Variants in NAALADL2 observed in about 807,000 individuals in gnomAD.
NAALADL2 encodes N-acetylated alpha-linked acidic dipeptidase like 2.
Under a neutral mutation model 87.2 loss-of-function variants are expected in NAALADL2, and 76 were observed. The observed-to-expected ratio is 0.87, with a 90% CI of 0.72 to 1.05. The LOEUF is 1.05. NAALADL2 is among the 50% of genes least tolerant of loss of function. The pLI is 0.00. For synonymous variants in NAALADL2, 354 were observed against 331.0 expected, an observed-to-expected ratio of 1.07 and a Z score of -0.75; for missense variants, 1,089 against 945.8, an observed-to-expected ratio of 1.15 and a Z score of -1.99.
chr3:175,720,387 T>A (rs904944045), intron 11 of NAALADL2, among the ~76,000 whole-genome samples: 1 of 152,060 alleles, frequency 6.6e-6, no homozygotes, highest in African/African-American at 2.4e-5. Context: ...AAGGAATGTA[T>A]ATAAATGTTG....
At chr3:175,654,154 C>A (rs1731145413) in intron 11 of NAALADL2, among the ~76,000 whole-genome samples, 1 of 152,150 alleles carries the variant, frequency 6.6e-6, no homozygotes, top group Non-Finnish European at 1.5e-5. Context: ...ACTGCATTTG[C>A]ATAAAACAGT....
At chr3:175,641,345 C>T (rs1729263999) in intron 11 of NAALADL2, among the ~76,000 whole-genome samples, 1 of 152,030 alleles carries the variant, frequency 6.6e-6, no homozygotes, top group Admixed American at 6.6e-5. Flanking sequence ...TTCCTTTCTC[C>T]CTCTTCCCTC....
chr3:175,013,170 A>T lies in NAALADL2; in HGVS notation c.44-83620A>T, dbSNP rs867897632. On this transcript the variant is annotated intron_variant, in intron 1 of 13. Coordinates refer to ENST00000454872, the MANE Select transcript of NAALADL2 (RefSeq NM_207015.3). ...ATACATATTTATATATAAATATGTAATACATATTTATATATAAATATATAT... is the reference window on the plus strand; with the variant it reads ...ATACATATTTATATATAAATATGTATTACATATTTATATATAAATATATAT... 4.0e-3 allele frequency among the ~76,000 whole-genome samples: 370 copies of T among 92,818 alleles called. 4 individuals are homozygous for T. Among genetic ancestry groups the T allele is most frequent in the Non-Finnish European group, 5.1e-3 (244 of 47,498 alleles). 60.9% of individuals were successfully genotyped at this position (92,818 alleles called of 152,430 possible).
At chr3:174,803,790 T>C (rs908501049) in intron 3 of NAALADL2, among the ~76,000 whole-genome samples, 1 of 152,078 alleles carries the variant, frequency 6.6e-6, no homozygotes, top group African/African-American at 2.4e-5. Context: ...AGATGTGTGG[T>C]GTTATTTCTG....
intron 9 of NAALADL2, among the ~76,000 whole-genome samples, chr3:175,496,160 T>A (rs2216508): frequency 0.37 from 55,998 of 151,954 alleles, 12,489 homozygotes; most frequent in African/African-American, 0.63. Flanking sequence ...ATACAATGTA[T>A]TTAGATCACA....
At position 175,754,909 on chromosome 3, in the gene NAALADL2, C is replaced by T. The variant is rs150105792; in HGVS notation, c.1991-311C>T. ...TATTTACTGTTGTTATTATTATGAGCAGTGATAAACTTAATTTAGTAAAAT... is the reference window on the plus strand; with the variant it reads ...TATTTACTGTTGTTATTATTATGAGTAGTGATAAACTTAATTTAGTAAAAT... On this transcript the variant is annotated intron_variant, in intron 12 of 13. Coordinates refer to ENST00000454872, the MANE Select transcript of NAALADL2 (RefSeq NM_207015.3). Among the ~76,000 whole-genome samples the T allele has an allele frequency of 1.1e-4, 16 of 152,238 alleles. No individual in the cohort carries two copies. The East Asian group carries it at 2.9e-3, about 28-fold the overall frequency.
At chr3:174,688,511 A>G (rs1728256460) in intron 2 of NAALADL2, among the ~76,000 whole-genome samples, 1 of 152,104 alleles carries the variant, frequency 6.6e-6, no homozygotes, top group Non-Finnish European at 1.5e-5. Context: ...GAGTTAATAT[A>G]CACTAAGTTC....
chr3:174,778,573 G>T (rs1420325429), intron 3 of NAALADL2, among the ~76,000 whole-genome samples: 1 of 151,906 alleles, frequency 6.6e-6, no homozygotes, highest in African/African-American at 2.4e-5. Context: ...ATGGTGGTTT[G>T]CTGCATAAAC....
intron 2 of NAALADL2, among the ~76,000 whole-genome samples, chr3:174,705,095 C>T (rs181228754): frequency 6.6e-6 from 1 of 152,258 alleles, no homozygotes; most frequent in Admixed American, 6.5e-5. Flanking sequence ...ATTCCAGCAG[C>T]TCAGGGTCCT....
At chr3:175,132,022 C>A (rs1367118669) in intron 2 of NAALADL2, among the ~76,000 whole-genome samples, 1 of 127,094 alleles carries the variant, frequency 7.9e-6, no homozygotes, top group South Asian at 2.6e-4. Flanking sequence ...CCCTCCCGGA[C>A]GGGGCGGCTG....
At chr3:175,378,131 A>T (rs1201063182) in intron 5 of NAALADL2, among the ~76,000 whole-genome samples, 6 of 152,058 alleles carry the variant, frequency 3.9e-5, no homozygotes, top group African/African-American at 1.4e-4. Context: ...GGTCACAGGC[A>T]CCCCCAAGTC....
At chr3:174,508,404 C>G (rs1357392807) in intron 1 of NAALADL2, among the ~76,000 whole-genome samples, 1 of 152,122 alleles carries the variant, frequency 6.6e-6, no homozygotes, top group East Asian at 1.9e-4. Context: ...TGTGCCACCG[C>G]ACCCGGTCCC....
chr3:175,334,283 T>C (rs1444493125), intron 5 of NAALADL2, among the ~76,000 whole-genome samples: 1 of 152,020 alleles, frequency 6.6e-6, no homozygotes, highest in African/African-American at 2.4e-5. Flanking sequence ...GACAGACAGA[T>C]AGTAGAGGTA....
rs114582237 is a variant in NAALADL2, at chr3:175,329,880, C to A, written c.1090+5555C>A. On this transcript the variant is annotated intron_variant, in intron 5 of 13. Coordinates refer to ENST00000454872, the MANE Select transcript of NAALADL2 (RefSeq NM_207015.3). ...ATTTTGTTTTGAAAAATAATTTTGG[C>A]GACGTAAGTTCTCTTGGCCCCACAG... 2.7e-3 allele frequency among the ~76,000 whole-genome samples: 410 copies of A among 152,112 alleles called. 1 individual carries two copies. Among genetic ancestry groups the A allele is most frequent in the African/African-American group, 9.2e-3 (381 of 41,494 alleles).
At chr3:175,776,966 T>C (rs186625259) in intron 13 of NAALADL2, among the ~76,000 whole-genome samples, 1 of 152,100 alleles carries the variant, frequency 6.6e-6, no homozygotes, top group East Asian at 1.9e-4. Flanking sequence ...TTAATATCTA[T>C]AATAAACTGA....
intron 9 of NAALADL2, among the ~76,000 whole-genome samples, chr3:175,529,447 G>A (rs1258776497): frequency 6.6e-6 from 1 of 152,164 alleles, no homozygotes; most frequent in Non-Finnish European, 1.5e-5. Flanking sequence ...GGTGAGTGGT[G>A]CCACTCCCAC....
At chr3:175,403,571 G>T (rs1341334507) in intron 5 of NAALADL2, among the ~76,000 whole-genome samples, 1 of 151,882 alleles carries the variant, frequency 6.6e-6, no homozygotes, top group Non-Finnish European at 1.5e-5. Flanking sequence ...TAGTCAATAG[G>T]CATTGTCTAA....
At chr3:175,014,682 T>C (rs1455755541) in intron 1 of NAALADL2, among the ~76,000 whole-genome samples, 1 of 152,176 alleles carries the variant, frequency 6.6e-6, no homozygotes, top group Non-Finnish European at 1.5e-5. Context: ...ATTCCATTTA[T>C]TGCAAATGTT....
intron 1 of NAALADL2, among the ~76,000 whole-genome samples, chr3:174,944,406 C>T (rs1309016749): frequency 6.6e-6 from 1 of 152,100 alleles, no homozygotes; most frequent in Admixed American, 6.5e-5. Flanking sequence ...CTAAGTAGCC[C>T]AAATAGCAAA....
Sources: allele counts gnomAD v4.1 joint callset (sites outside exome capture counted in the v4.1 genomes callset), GRCh38; gene constraint gnomAD v4.1.1; transcripts MANE v1.5; gene names NCBI Gene and HGNC (gene_info 2026-07-23, HGNC 2026-07-21).